Variants in GLT1D1 observed in about 807,000 individuals in gnomAD.
GLT1D1 encodes the protein glycosyltransferase 1 domain containing 1, also known as glycosyltransferase 1 domain-containing protein 1.
In GLT1D1, 21 loss-of-function variants were observed where a neutral mutation model predicts 28.7. The ratio of observed to expected loss-of-function variants is 0.73; its 90% CI spans 0.52 to 1.05. GLT1D1 has a LOEUF of 1.05. GLT1D1 is among the 50% of genes least tolerant of loss of function. GLT1D1 has a pLI of 0.00. For synonymous variants in GLT1D1, 147 were observed against 124.8 expected, an observed-to-expected ratio of 1.18 and a Z score of -1.19; for missense variants, 343 against 330.6, an observed-to-expected ratio of 1.04 and a Z score of -0.29.
rs75213912 is a variant in GLT1D1 at position 128,895,622 on chromosome 12, A to T, written c.324-3614A>T. On this transcript the variant is annotated intron_variant, in intron 3 of 7. Transcript: ENST00000281703. ...CAGGCATGCACCACCACGCCGGGCT[A>T]ATTTTGTAATTTTAGTAGAGAACGG... Among the ~76,000 whole-genome samples the T allele has an allele frequency of 4.3e-3, 650 of 152,014 alleles. 4 individuals carry two copies. The highest frequency in any genetic ancestry group is 0.014 in the African/African-American group (596 of 41,464).
chr12:128,877,861 A>C (rs1956911104), intron 2 of GLT1D1, among the ~76,000 whole-genome samples: 1 of 152,230 alleles, frequency 6.6e-6, no homozygotes, highest in African/African-American at 2.4e-5. Flanking sequence ...ATGAGGCTGC[A>C]GTCTTATCTG....
chr12:128,950,285 T>G (rs928481607), intron 6 of GLT1D1, among the ~76,000 whole-genome samples: 3 of 152,190 alleles, frequency 2.0e-5, no homozygotes, highest in African/African-American at 4.8e-5. Context: ...TAGACACTTA[T>G]TCCATGATTG....
chr12:128,933,625 C>T (rs1252086967), intron 4 of GLT1D1, among the ~76,000 whole-genome samples: 1 of 152,120 alleles, frequency 6.6e-6, no homozygotes, highest in Non-Finnish European at 1.5e-5. Flanking sequence ...TGGTTAGGGC[C>T]AGTGCACTTA....
At chr12:128,889,630 C>T (rs1242163676) in intron 3 of GLT1D1, among the ~76,000 whole-genome samples, 2 of 152,196 alleles carry the variant, frequency 1.3e-5, no homozygotes, top group African/African-American at 2.4e-5. Context: ...CATGTCAATA[C>T]GGTGAAAGGA....
At chr12:128,911,160 C>T (rs1871482696) in intron 4 of GLT1D1, among the ~76,000 whole-genome samples, 1 of 152,216 alleles carries the variant, frequency 6.6e-6, no homozygotes, top group South Asian at 2.1e-4. Context: ...GACCTCCTGA[C>T]CTCAAATGAT....
At chr12:128,905,185 C>T (rs1870723749) in intron 4 of GLT1D1, among the ~76,000 whole-genome samples, 1 of 152,324 alleles carries the variant, frequency 6.6e-6, no homozygotes, top group Middle Eastern at 3.4e-3. Context: ...TAGTACACAC[C>T]CACTATATGT....
intron 6 of GLT1D1, among the ~76,000 whole-genome samples, chr12:128,953,159 C>A (rs954450985): frequency 6.6e-6 from 1 of 152,154 alleles, no homozygotes; most frequent in African/African-American, 2.4e-5. Context: ...ACCCCTTGCC[C>A]ACTTTTTCAC....
At chr12:128,887,272 CT>C (rs1352369753) in intron 2 of GLT1D1, among the ~76,000 whole-genome samples, 1 of 152,124 alleles carries the variant, frequency 6.6e-6, no homozygotes, top group Non-Finnish European at 1.5e-5. Flanking sequence ...CCTCCTTGGC[CT>C]TCCAAAGTGC....
chr12:128,972,550 GA>G (rs1372897998), intron 7 of GLT1D1, among the ~76,000 whole-genome samples: 2 of 152,122 alleles, frequency 1.3e-5, no homozygotes, highest in African/African-American at 2.4e-5. Flanking sequence ...GTTCTGGGAG[GA>G]AAAAAACACA....
chr12:128,941,665 C>T (rs1875269597), intron 4 of GLT1D1, among the ~76,000 whole-genome samples: 1 of 151,028 alleles, frequency 6.6e-6, no homozygotes, highest in African/African-American at 2.4e-5. Flanking sequence ...CTCCGCACCC[C>T]GGGTTCAAGC....
rs763051608 is a variant in GLT1D1 at position 128,888,661 on chromosome 12, C to A, written c.240C>A (p.Val80=). ...CAGGCCACCGAATCCCTTTTGGAGTCATCTTTGGTGGAACTGATGTAAATG... is the reference window on the plus strand; with the variant it reads ...CAGGCCACCGAATCCCTTTTGGAGTAATCTTTGGTGGAACTGATGTAAATG... Residue 80 remains valine (V), a synonymous_variant, in exon 3 of 8, where the codon GTC becomes GTA. Transcript: ENST00000281703. 3.9e-5 allele frequency: 63 copies of A among 1,613,120 alleles called. 2 individuals carry two copies. The South Asian group carries it at 6.7e-4, about 17-fold the overall frequency.
intron 4 of GLT1D1, among the ~76,000 whole-genome samples, chr12:128,933,782 G>A (rs2135932338): frequency 6.6e-6 from 1 of 152,244 alleles, no homozygotes; most frequent in South Asian, 2.1e-4. Flanking sequence ...CTGCTTTTCA[G>A]AGTCAAGTAT....
intron 1 of GLT1D1, among the ~76,000 whole-genome samples, chr12:128,863,544 GT>G (rs111347758): frequency 0.022 from 3,293 of 151,948 alleles, 104 homozygotes; most frequent in African/African-American, 0.075. Context: ...AGCTAATTTG[GT>G]ATTTTTTTAG....
At chr12:128,903,020 T>C (rs1170127925) in intron 4 of GLT1D1, among the ~76,000 whole-genome samples, 1 of 133,748 alleles carries the variant, frequency 7.5e-6, no homozygotes, top group Non-Finnish European at 1.6e-5. Flanking sequence ...AGACTCCGTC[T>C]CAAAAAAAAA....
chr12:128,854,553 A>C (rs1029442590), intron 1 of GLT1D1, among the ~76,000 whole-genome samples: 2 of 152,112 alleles, frequency 1.3e-5, no homozygotes, highest in Admixed American at 1.3e-4. Flanking sequence ...GCTGGAGTGC[A>C]GTGGCGCAAT....
At chr12:128,960,860 G>T (rs868301181) in intron 7 of GLT1D1, among the ~76,000 whole-genome samples, 1 of 152,132 alleles carries the variant, frequency 6.6e-6, no homozygotes, top group African/African-American at 2.4e-5. Context: ...CCTTAGTTAT[G>T]TACATATATG....
intron 7 of GLT1D1, among the ~76,000 whole-genome samples, chr12:128,969,631 C>T (rs1213725411): frequency 2.0e-5 from 3 of 152,220 alleles, no homozygotes; most frequent in Admixed American, 1.3e-4. Context: ...TGCGGAGGCA[C>T]TCGGGGCTCC....
chr12:128,937,463 G>A (rs868569461), intron 4 of GLT1D1, among the ~76,000 whole-genome samples: 33 of 152,284 alleles, frequency 2.2e-4, no homozygotes, highest in African/African-American at 7.0e-4. Context: ...TTACCATAGC[G>A]TGGGGTGGAG....
At chr12:128,867,346 G>A (rs1268080556) in intron 1 of GLT1D1, among the ~76,000 whole-genome samples, 1 of 133,572 alleles carries the variant, frequency 7.5e-6, no homozygotes, top group Admixed American at 8.6e-5. Context: ...GCAGTGAGCC[G>A]AGATCGCACC....
Sources: gnomAD v4.1 joint callset for allele counts (sites outside exome capture counted in the v4.1 genomes callset) on GRCh38, gnomAD v4.1.1 for gene constraint, MANE v1.5 for transcripts, NCBI Gene and HGNC (gene_info 2026-07-23, HGNC 2026-07-21) for gene names.